NTRK3: variants seen among roughly 807,000 people sequenced by gnomAD.
NTRK3 encodes neurotrophic receptor tyrosine kinase 3, also known as NT-3 growth factor receptor.
A neutral mutation model predicts 91.7 loss-of-function variants in NTRK3; 24 were observed. The observed-to-expected ratio is 0.26, with a 90% CI of 0.19 to 0.37. The LOEUF is 0.37. Ranked by LOEUF, NTRK3 falls within the 10% of genes least tolerant of loss-of-function variation. The pLI, the probability that NTRK3 is intolerant of heterozygous loss-of-function variation, is 1.00. For synonymous variants in NTRK3, 483 were observed against 404.0 expected, an observed-to-expected ratio of 1.20 and a Z score of -2.34; for missense variants, 880 against 1,068.9, an observed-to-expected ratio of 0.82 and a Z score of 2.46.
At position 88,126,734 on chromosome 15, in the gene NTRK3, C is replaced by A. The variant is rs1293128038; in HGVS notation, c.1294-361G>T. On this transcript the variant is annotated intron_variant, in intron 12 of 18. Transcript: ENST00000394480. Reference sequence around the variant, plus strand: ...AAAATTCCTTATATAACATTCTTATCCAGGAAAGTCGAAAAGATCTGGATT... The same window carrying A: ...AAAATTCCTTATATAACATTCTTATACAGGAAAGTCGAAAAGATCTGGATT... 2.6e-5 allele frequency among the ~76,000 whole-genome samples: 4 copies of A among 152,166 alleles called. No individual in the cohort carries two copies. In the South Asian group the frequency reaches 6.2e-4, roughly 24 times the overall value.
intron 1 of NTRK3, 32 bp from the exon 2 acceptor site, chr15:88,256,518 C>CAAAA (rs561718241): frequency 4.7e-6 from 2 of 426,058 alleles, no homozygotes; most frequent in Non-Finnish European, 8.0e-6. Context: ...GGTGGGGAGG[C>CAAAA]AAAAAAAAAA....
intron 17 of NTRK3, among the ~76,000 whole-genome samples, chr15:87,886,873 T>C (rs1207661455): frequency 6.6e-6 from 1 of 151,114 alleles, no homozygotes; most frequent in East Asian, 1.9e-4. Flanking sequence ...TAATTTAAGT[T>C]CTATTTATCA....
At chr15:87,914,372 C>T (rs989982575) in intron 17 of NTRK3, among the ~76,000 whole-genome samples, 1 of 152,212 alleles carries the variant, frequency 6.6e-6, no homozygotes, top group African/African-American at 2.4e-5. Context: ...ATCCAGCTGG[C>T]TTTCCCTTGG....
chr15:88,088,347 ATAACTTCAGAGGCAT>A (rs2048699447), intron 13 of NTRK3, among the ~76,000 whole-genome samples: 1 of 152,212 alleles, frequency 6.6e-6, no homozygotes, highest in Non-Finnish European at 1.5e-5. Flanking sequence ...TCATGAGGCA[ATAACTTCAGAGGCAT>A]GAGATGTTTT....
At chr15:88,188,870 A>C (rs1330187533) in intron 3 of NTRK3, among the ~76,000 whole-genome samples, 1 of 152,210 alleles carries the variant, frequency 6.6e-6, no homozygotes, top group Admixed American at 6.5e-5. Flanking sequence ...CTCTCCACTG[A>C]AAGTTCCTCT....
intron 15 of NTRK3, among the ~76,000 whole-genome samples, chr15:87,938,493 G>A (rs767962210): frequency 1.4e-4 from 22 of 152,186 alleles, no homozygotes; most frequent in Admixed American, 2.6e-4. Context: ...GATCCACTGA[G>A]TGACACGTGT....
intron 13 of NTRK3, among the ~76,000 whole-genome samples, chr15:88,068,892 C>T (rs1276457816): frequency 6.6e-6 from 1 of 151,642 alleles, no homozygotes; most frequent in East Asian, 1.9e-4. Context: ...TCAGAGGAGA[C>T]CAAGAGATTA....
chr15:87,897,628 G>T (rs2066205588), intron 17 of NTRK3, among the ~76,000 whole-genome samples: 1 of 152,042 alleles, frequency 6.6e-6, no homozygotes, highest in Non-Finnish European at 1.5e-5. Flanking sequence ...ATATTCGTAA[G>T]TAAACAATGG....
intron 14 of NTRK3, among the ~76,000 whole-genome samples, chr15:88,017,613 T>C (rs189344045): frequency 6.6e-6 from 1 of 152,228 alleles, no homozygotes; most frequent in East Asian, 1.9e-4. Context: ...CAAAGGAATA[T>C]ATGTGAAGGG....
chr15:88,127,401 C>A (rs1347744886), intron 11 of NTRK3, among the ~76,000 whole-genome samples, 175 bp from the exon 12 acceptor site: 1 of 152,090 alleles, frequency 6.6e-6, no homozygotes, highest in African/African-American at 2.4e-5. Context: ...CCCACCCCCA[C>A]AGACCAGGTT....
intron 13 of NTRK3, among the ~76,000 whole-genome samples, chr15:88,097,008 G>A (rs922071945): frequency 1.3e-5 from 2 of 152,190 alleles, no homozygotes; most frequent in South Asian, 2.1e-4. Context: ...AGAGAGTCTG[G>A]TAGTGCTTTA....
chr15:88,037,538 G>A (rs2079177689), intron 13 of NTRK3, among the ~76,000 whole-genome samples: 1 of 152,106 alleles, frequency 6.6e-6, no homozygotes, highest in Non-Finnish European at 1.5e-5. Context: ...ACTCTAGCCT[G>A]GCAACAGAGC....
intron 5 of NTRK3, among the ~76,000 whole-genome samples, chr15:88,179,841 TAA>T (rs919212472): frequency 6.6e-6 from 1 of 152,130 alleles, no homozygotes; most frequent in Non-Finnish European, 1.5e-5. Flanking sequence ...AGCAAGGGGA[TAA>T]AAGAGGAGAA....
chr15:88,195,366 A>G (rs1234642882), intron 3 of NTRK3, among the ~76,000 whole-genome samples: 1 of 152,238 alleles, frequency 6.6e-6, no homozygotes, highest in African/African-American at 2.4e-5. Flanking sequence ...TTGTATCTGC[A>G]GCACTCATCC....
At chr15:88,138,929 C>G (rs1013054404) in intron 6 of NTRK3, among the ~76,000 whole-genome samples, 4 of 152,188 alleles carry the variant, frequency 2.6e-5, no homozygotes, top group African/African-American at 9.7e-5. Flanking sequence ...AAAGAGAGAA[C>G]GAGACTGACT....
chr15:88,249,960 C>T (rs1251818468), intron 3 of NTRK3, among the ~76,000 whole-genome samples: 1 of 152,320 alleles, frequency 6.6e-6, no homozygotes, highest in East Asian at 1.9e-4. Context: ...TCCCGCAATG[C>T]TGCCCTTTGG....
intron 13 of NTRK3, among the ~76,000 whole-genome samples, chr15:88,106,965 T>C (rs796149759): frequency 6.6e-6 from 1 of 151,524 alleles, no homozygotes; most frequent in South Asian, 2.1e-4. Context: ...TATGGGAATA[T>C]AGATACTCAG....
At chr15:87,866,324 GA>G in exon 19 of NTRK3, 1 of 186,158 alleles carries the variant, frequency 5.4e-6, no homozygotes, top group Non-Finnish European at 1.1e-5. Flanking sequence ...AAATAAAAGT[GA>G]AAAAAATTAT....
intron 3 of NTRK3, among the ~76,000 whole-genome samples, chr15:88,190,310 C>CT (rs1254827739): frequency 6.6e-6 from 1 of 152,106 alleles, no homozygotes; most frequent in African/African-American, 2.4e-5. Context: ...CTGGATGTTT[C>CT]TTTTTTCCAC....
Sources: gnomAD v4.1 joint callset for allele counts (sites outside exome capture counted in the v4.1 genomes callset) on GRCh38, gnomAD v4.1.1 for gene constraint, MANE v1.5 for transcripts, NCBI Gene and HGNC (gene_info 2026-07-23, HGNC 2026-07-21) for gene names.